The following KCTD16 variants were observed in gnomAD, a reference collection of about 807,000 sequenced individuals.
The protein encoded by KCTD16 is potassium channel tetramerization domain containing 16, also known as BTB/POZ domain-containing protein KCTD16.
Under a neutral mutation model 33.2 loss-of-function variants are expected in KCTD16, and 13 were observed. The observed-to-expected ratio is 0.39, with a 90% CI of 0.25 to 0.62. KCTD16 has a LOEUF of 0.62. KCTD16 is among the 20% of genes least tolerant of loss of function. The pLI is 0.50. For missense variants in KCTD16, 441 were observed against 525.1 expected (o/e 0.84, Z 1.57); for synonymous variants, 197 against 195.3 (o/e 1.01, Z -0.07).
chr5:144,461,563 A>G (rs1429790598), intron 3 of KCTD16, among the ~76,000 whole-genome samples: 1 of 152,112 alleles, frequency 6.6e-6, no homozygotes, highest in Non-Finnish European at 1.5e-5. Flanking sequence ...GGACTATTTT[A>G]GCAATCTCCT....
intron 3 of KCTD16, among the ~76,000 whole-genome samples, chr5:144,353,887 G>A (rs1751505902): frequency 6.6e-6 from 1 of 151,454 alleles, no homozygotes; most frequent in African/African-American, 2.4e-5. Context: ...TTTTTTTTAA[G>A]TCACAAAATC....
rs546075754 is a variant in KCTD16 at position 144,222,661 on chromosome 5, T to C, written c.832+15115T>C. On this transcript the variant is annotated intron_variant, in intron 3 of 3. Coordinates refer to ENST00000512467, the MANE Select transcript of KCTD16 (RefSeq NM_020768.4). ...GAAACGACAGGTGCTGGAGAGGATG[T>C]GGAGAAATAGGAACACTTTTACACT... Among the ~76,000 whole-genome samples the C allele has an allele frequency of 9.5e-4, 145 of 152,260 alleles. 1 individual carries two copies. The highest frequency in any genetic ancestry group is 3.4e-3 in the African/African-American group (142 of 41,558).
rs149442499 is a variant in KCTD16 at position 144,293,067 on chromosome 5, C to A, written c.832+85521C>A. Among the ~76,000 whole-genome samples the A allele has an allele frequency of 3.4e-3, 516 of 152,298 alleles. 1 individual carries two copies. The highest frequency in any genetic ancestry group is 0.012 in the African/African-American group (504 of 41,556). Reference sequence around the variant, plus strand: ...ATTCATGAGAAACTTGGTAATTTATCTTTACTGAACTTTGCTTCCCTCAGT... The same window carrying A: ...ATTCATGAGAAACTTGGTAATTTATATTTACTGAACTTTGCTTCCCTCAGT... On this transcript the variant is annotated intron_variant, in intron 3 of 3. Transcript: ENST00000512467.
chr5:144,379,184 G>A (rs879853604), intron 3 of KCTD16, among the ~76,000 whole-genome samples: 3 of 152,094 alleles, frequency 2.0e-5, no homozygotes, highest in Non-Finnish European at 4.4e-5. Flanking sequence ...CTGCCCATAA[G>A]GTTTTCCCAT....
At chr5:144,379,302 A>G (rs1310449068) in intron 3 of KCTD16, among the ~76,000 whole-genome samples, 2 of 152,164 alleles carry the variant, frequency 1.3e-5, no homozygotes, top group African/African-American at 4.8e-5. Flanking sequence ...ACATTGGGTT[A>G]GACTTTGGAT....
chr5:144,273,515 G>T (rs1755357951), intron 3 of KCTD16, among the ~76,000 whole-genome samples: 1 of 152,168 alleles, frequency 6.6e-6, no homozygotes, highest in African/African-American at 2.4e-5. Flanking sequence ...AGAGACATTT[G>T]TACAACCATG....
At chr5:144,222,845 A>G (rs1289328812) in intron 3 of KCTD16, among the ~76,000 whole-genome samples, 1 of 152,234 alleles carries the variant, frequency 6.6e-6, no homozygotes, top group East Asian at 1.9e-4. Context: ...ATGCACACGT[A>G]TGTTTACTGC....
At chr5:144,301,545 A>C (rs1215196874) in intron 3 of KCTD16, among the ~76,000 whole-genome samples, 1 of 152,218 alleles carries the variant, frequency 6.6e-6, no homozygotes, top group Non-Finnish European at 1.5e-5. Context: ...TTCTAGCGAA[A>C]TTCTATGTAT....
chr5:144,426,975 A>AT (rs1398787113), intron 3 of KCTD16, among the ~76,000 whole-genome samples: 7 of 151,916 alleles, frequency 4.6e-5, no homozygotes, highest in African/African-American at 7.3e-5. Flanking sequence ...TCCATTGGCC[A>AT]TTTTTCTGTC....
At chr5:144,183,009 G>T (rs1752656402) in intron 2 of KCTD16, among the ~76,000 whole-genome samples, 1 of 151,018 alleles carries the variant, frequency 6.6e-6, no homozygotes, top group Non-Finnish European at 1.5e-5. Context: ...TATATAAAAA[G>T]TCATGTTGTA....
At chr5:144,450,810 G>C (rs1447567844) in intron 3 of KCTD16, among the ~76,000 whole-genome samples, 2 of 152,074 alleles carry the variant, frequency 1.3e-5, no homozygotes, top group South Asian at 4.1e-4. Context: ...AGCAAGTGGG[G>C]AGTTGCTGCT....
chr5:144,484,173 T>A lies in KCTD16; in HGVS notation c.*10059T>A, dbSNP rs1580998624. On this transcript the variant is annotated 3_prime_UTR_variant, in exon 4 of 4. Coordinates refer to ENST00000512467, the MANE Select transcript of KCTD16 (RefSeq NM_020768.4). ...ATTTTTGTAAATCATGGGTGGCGGATGTCAAAATCTCTCATTAATTACCCT... is the reference window on the plus strand; with the variant it reads ...ATTTTTGTAAATCATGGGTGGCGGAAGTCAAAATCTCTCATTAATTACCCT... 1 of 151,946 alleles carries A rather than the reference T, an allele frequency of 6.6e-6. No homozygotes were observed. Among genetic ancestry groups the A allele is most frequent in the Non-Finnish European group, 1.5e-5 (1 of 67,914 alleles). 9.4% of individuals were successfully genotyped at this position (151,946 alleles called of 1,614,324 possible).
chr5:144,211,378 A>G (rs1415630416), intron 3 of KCTD16, among the ~76,000 whole-genome samples: 1 of 152,124 alleles, frequency 6.6e-6, no homozygotes, highest in Non-Finnish European at 1.5e-5. Flanking sequence ...CAGGTTGAGC[A>G]TCCCTACTTC....
intron 3 of KCTD16, among the ~76,000 whole-genome samples, chr5:144,365,739 G>A (rs1285894146): frequency 2.0e-5 from 3 of 152,076 alleles, no homozygotes; most frequent in Non-Finnish European, 2.9e-5. Flanking sequence ...GGACAACTCA[G>A]TAAAGGATTA....
intron 3 of KCTD16, among the ~76,000 whole-genome samples, chr5:144,366,571 A>G (rs1244397962): frequency 6.6e-6 from 1 of 152,200 alleles, no homozygotes; most frequent in East Asian, 1.9e-4. Context: ...CTATGTTTGC[A>G]GGCAATCTAT....
At chr5:144,230,937 C>T (rs1287777284) in intron 3 of KCTD16, among the ~76,000 whole-genome samples, 3 of 152,182 alleles carry the variant, frequency 2.0e-5, no homozygotes, top group Non-Finnish European at 2.9e-5. Flanking sequence ...CAGAGCATAG[C>T]CTGTTCTCTG....
intron 3 of KCTD16, among the ~76,000 whole-genome samples, chr5:144,281,007 G>A (rs978712749): frequency 5.2e-5 from 7 of 135,458 alleles, no homozygotes; most frequent in Admixed American, 5.1e-4. Flanking sequence ...GTGAAACCCC[G>A]TCTCTACTAA....
chr5:144,446,182 A>AT (rs972883814), intron 3 of KCTD16, among the ~76,000 whole-genome samples: 1 of 151,734 alleles, frequency 6.6e-6, no homozygotes, highest in African/African-American at 2.4e-5. Context: ...TAGTTGGTTG[A>AT]TTTTTTTAAA....
At chr5:144,295,217 G>C (rs538833480) in intron 3 of KCTD16, among the ~76,000 whole-genome samples, 2 of 152,304 alleles carry the variant, frequency 1.3e-5, no homozygotes, top group South Asian at 2.1e-4. Context: ...AGTAGTACAC[G>C]TAAGTGTCCT....
Sources: allele counts gnomAD v4.1 joint callset (sites outside exome capture counted in the v4.1 genomes callset), GRCh38; gene constraint gnomAD v4.1.1; transcripts MANE v1.5; gene names NCBI Gene and HGNC (gene_info 2026-07-23, HGNC 2026-07-21).